Variants in MALRD1 observed in about 807,000 individuals in gnomAD.
MALRD1 encodes MAM and LDL receptor class A domain containing 1.
In MALRD1, 247 loss-of-function variants were observed where a neutral mutation model predicts 242.1. The ratio of observed to expected loss-of-function variants is 1.02; its 90% CI spans 0.92 to 1.13. The LOEUF (loss-of-function observed/expected upper bound fraction) is 1.13, where lower values mean the gene tolerates loss of function less well. Among genes scored for constraint, MALRD1 ranks in the 50% most tolerant of loss-of-function variants. The probability of loss-of-function intolerance (pLI) is 0.00; values close to 1 mark genes in which losing one functional copy is unlikely to be tolerated. For synonymous variants in MALRD1, 995 were observed against 866.6 expected, an observed-to-expected ratio of 1.15 and a Z score of -2.60; for missense variants, 2,989 against 2,533.1, an observed-to-expected ratio of 1.18 and a Z score of -3.86.
intron 19 of MALRD1, among the ~76,000 whole-genome samples, chr10:19,267,042 C>T (rs564369224): frequency 6.6e-6 from 1 of 152,168 alleles, no homozygotes; most frequent in South Asian, 2.1e-4. Flanking sequence ...TTCAGCTGAA[C>T]ATATATGACA....
At chr10:19,480,185 TA>T (rs1470792317) in intron 29 of MALRD1, among the ~76,000 whole-genome samples, 4 of 152,216 alleles carry the variant, frequency 2.6e-5, no homozygotes, top group Non-Finnish European at 4.4e-5. Context: ...TAGAGAATGA[TA>T]AACTAGGAGG....
intron 18 of MALRD1, among the ~76,000 whole-genome samples, chr10:19,227,124 C>G (rs1486603803): frequency 6.6e-6 from 1 of 151,282 alleles, no homozygotes; most frequent in Non-Finnish European, 1.5e-5. Context: ...ACCTATAGGC[C>G]TTTTTGGAGA....
At chr10:19,722,663 A>T (rs1047816574) in intron 38 of MALRD1, 2 of 146,254 alleles carry the variant, frequency 1.4e-5, no homozygotes, top group African/African-American at 2.5e-5. Context: ...TAATTTTGAC[A>T]CCTCCTTATT....
chr10:19,242,247 C>A, intron 18 of MALRD1, among the ~76,000 whole-genome samples: 1 of 152,130 alleles, frequency 6.6e-6, no homozygotes, highest in South Asian at 2.1e-4. Flanking sequence ...ATAAAACCAT[C>A]AGATCTTGTT....
At chr10:19,144,109 T>A (rs1833643642) in intron 10 of MALRD1, among the ~76,000 whole-genome samples, 1 of 152,200 alleles carries the variant, frequency 6.6e-6, no homozygotes, top group African/African-American at 2.4e-5. Context: ...GCAACATGTT[T>A]TTATTATTAT....
rs993263389 is a variant in MALRD1 at position 19,246,170 on chromosome 10, T to A, written c.2992-11514T>A. Among the ~76,000 whole-genome samples, 4 of 152,266 alleles carry A rather than the reference T, an allele frequency of 2.6e-5. No homozygotes were observed. The East Asian group carries it at 7.7e-4, about 29-fold the overall frequency. ...ATCTCAATAGAATATTCCAGACCTC[T>A]CTCCCTCTACTTTATCTGCTTAGCA... On this transcript the variant is annotated intron_variant, in intron 18 of 39. Transcript: ENST00000454679.
At chr10:19,568,385 C>T (rs1042060233) in intron 33 of MALRD1, among the ~76,000 whole-genome samples, 2 of 151,922 alleles carry the variant, frequency 1.3e-5, no homozygotes, top group Admixed American at 6.6e-5. Flanking sequence ...TCCTAACACT[C>T]CTACTCAAAG....
intron 13 of MALRD1, among the ~76,000 whole-genome samples, chr10:19,172,159 A>G (rs1327442835): frequency 6.8e-6 from 1 of 146,136 alleles, no homozygotes; most frequent in Non-Finnish European, 1.5e-5. Flanking sequence ...ATACATATAT[A>G]CACATATATA....
At chr10:19,448,985 G>A (rs552035976) in intron 28 of MALRD1, among the ~76,000 whole-genome samples, 30 of 151,934 alleles carry the variant, frequency 2.0e-4, no homozygotes, top group Non-Finnish European at 3.4e-4. Context: ...AGTGATTTAA[G>A]CTTTTTGTAA....
chr10:19,172,945 G>T (rs545681835), intron 13 of MALRD1, among the ~76,000 whole-genome samples: 2 of 151,952 alleles, frequency 1.3e-5, no homozygotes, highest in South Asian at 4.2e-4. Context: ...TCTGCCTCTG[G>T]AATGAAGGCT....
intron 26 of MALRD1, among the ~76,000 whole-genome samples, chr10:19,379,461 G>A (rs1301588604): frequency 6.6e-6 from 1 of 152,046 alleles, no homozygotes; most frequent in East Asian, 1.9e-4. Context: ...TGCTTTACCT[G>A]GAGCCCATAA....
At chr10:19,369,160 A>T (rs1291618162) in intron 26 of MALRD1, among the ~76,000 whole-genome samples, 2 of 122,356 alleles carry the variant, frequency 1.6e-5, no homozygotes, top group East Asian at 4.3e-4. Flanking sequence ...TATATAAACT[A>T]ATATTTATAT....
At chr10:19,421,821 G>T (rs1203613818) in intron 28 of MALRD1, among the ~76,000 whole-genome samples, 2 of 152,136 alleles carry the variant, frequency 1.3e-5, no homozygotes, top group Admixed American at 6.6e-5. Context: ...GCCAGTAAAG[G>T]GTTAAACCCT....
intron 12 of MALRD1, among the ~76,000 whole-genome samples, chr10:19,160,873 C>A (rs1168005923): frequency 7.2e-6 from 1 of 138,694 alleles, no homozygotes; most frequent in African/African-American, 2.7e-5. Flanking sequence ...ATTAGTCTTG[C>A]TAGCGGTCTA....
intron 36 of MALRD1, among the ~76,000 whole-genome samples, chr10:19,668,706 T>C (rs1260543099): frequency 1.3e-5 from 2 of 152,026 alleles, no homozygotes; most frequent in South Asian, 2.1e-4. Flanking sequence ...TAGGAAATTA[T>C]AATACAACAC....
intron 1 of MALRD1, among the ~76,000 whole-genome samples, chr10:19,062,478 C>T (rs574615384): frequency 2.4e-4 from 36 of 152,214 alleles, no homozygotes; most frequent in Admixed American, 9.2e-4. Context: ...ATTTGTACAC[C>T]CATGTTCACA....
At position 19,650,972 on chromosome 10, in the gene MALRD1, C is replaced by G. The variant is rs575370408; in HGVS notation, c.6137+35049C>G. On this transcript the variant is annotated intron_variant, in intron 36 of 39. Transcript: ENST00000454679. ...ATGCATCAGGAGTGGTTTCCAAACC[C>G]ACTGAGTGGATAATAGAAAGCCAGT... Among the ~76,000 whole-genome samples, 8 of 152,244 alleles carry G rather than the reference C, an allele frequency of 5.3e-5. 1 individual carries two copies. The highest frequency in any genetic ancestry group is 1.9e-4 in the African/African-American group (8 of 41,556).
In MALRD1 at chr10:19,713,921, G is replaced by C. The variant is rs1019794428; in HGVS notation, c.6315-16785G>C. Among the ~76,000 whole-genome samples, 21 of 152,302 alleles carry C rather than the reference G, an allele frequency of 1.4e-4. No homozygotes were observed. In the East Asian group the frequency reaches 3.5e-3, roughly 25 times the overall value. On this transcript the variant is annotated intron_variant, in intron 38 of 39. Transcript: ENST00000454679. ...TATTGCTCTTGCAGAGCATGCAATG[G>C]GTGTGTGGGGCTTGCTCCGTCGATG...
rs1265644140 is a variant in MALRD1, at chr10:19,355,327, A to T, written c.4441+3030A>T. On this transcript the variant is annotated intron_variant, in intron 26 of 39. Transcript: ENST00000454679. The stretch of plus-strand genomic sequence containing the variant: ...CTCAAAATGAACCTACATTGAAAAG[A>T]TATTAAATGGTCTTAGAAAGCAAAG... Among the ~76,000 whole-genome samples, 3 of 152,146 alleles carry T rather than the reference A, an allele frequency of 2.0e-5. No homozygotes were observed. The East Asian group carries it at 5.8e-4, about 29-fold the overall frequency.
Sources: gnomAD v4.1 joint callset for allele counts (sites outside exome capture counted in the v4.1 genomes callset) on GRCh38, gnomAD v4.1.1 for gene constraint, MANE v1.5 for transcripts, NCBI Gene and HGNC (gene_info 2026-07-23, HGNC 2026-07-21) for gene names.